The following PCDHGA5 variants were observed in gnomAD, a reference collection of about 807,000 sequenced individuals.
PCDHGA5 encodes protocadherin gamma-A5.
PCDHGA5 carries 36 observed loss-of-function variants against 56.7 expected under a neutral mutation model. The observed-to-expected ratio is 0.64, with a 90% CI of 0.49 to 0.84. The LOEUF (loss-of-function observed/expected upper bound fraction) is 0.84, where lower values mean the gene tolerates loss of function less well. PCDHGA5 is among the 40% of genes least tolerant of loss of function. PCDHGA5 has a pLI of 0.00. For synonymous variants in PCDHGA5, 563 were observed against 520.2 expected (o/e 1.08, Z -1.12); for missense variants, 1,305 against 1,201.5 (o/e 1.09, Z -1.27).
At position 141,494,833 on chromosome 5, in the gene PCDHGA5, T is replaced by C. The variant is rs537340090; in HGVS notation, c.2448T>C (p.Arg816=). 1 of 1,614,094 alleles carries C rather than the reference T, an allele frequency of 6.2e-7. No homozygotes were observed. The highest frequency in any genetic ancestry group is 1.7e-5 in the Admixed American group (1 of 60,014). Residue 816 remains arginine, a synonymous_variant, in exon 2 of 4, where the codon CGT becomes CGC. Coordinates refer to ENST00000518069, the MANE Select transcript of PCDHGA5 (RefSeq NM_018918.3). ...VQQAPPNTDW[R]FSQAQRPGTS... Reference sequence around the variant, plus strand: ...AAGCCCCGCCCAACACGGACTGGCGTTTCTCTCAGGCCCAGAGACCCGGCA... The same window carrying C: ...AAGCCCCGCCCAACACGGACTGGCGCTTCTCTCAGGCCCAGAGACCCGGCA...
chr5:141,505,089 G>A (rs1562219081), intron 2 of PCDHGA5, among the ~76,000 whole-genome samples: 1 of 152,208 alleles, frequency 6.6e-6, no homozygotes, highest in Non-Finnish European at 1.5e-5. Context: ...TTGAACCCAG[G>A]AGGTGGATGT....
rs371490086 is a variant in PCDHGA5, at chr5:141,405,329, G to T, written c.2421+38578G>T. 3 of 1,614,168 alleles carry T rather than the reference G, an allele frequency of 1.9e-6. No individual in the cohort carries two copies. Among genetic ancestry groups the T allele is most frequent in the Non-Finnish European group, 2.5e-6 (3 of 1,180,010 alleles). On this transcript the variant is annotated intron_variant, in intron 1 of 3. Coordinates refer to ENST00000518069, the MANE Select transcript of PCDHGA5 (RefSeq NM_018918.3). The stretch of plus-strand genomic sequence containing the variant: ...CTGTGAGAAAAATGAGCCTTTGTGC[G>T]TCTCTGTTGATTCCAAGTTTCCTAT...
At chr5:141,503,325 G>A (rs1002520312) in intron 2 of PCDHGA5, among the ~76,000 whole-genome samples, 10 of 152,104 alleles carry the variant, frequency 6.6e-5, no homozygotes, top group East Asian at 1.9e-4. Flanking sequence ...GGAGGGGCGC[G>A]GTGGCTCACG....
chr5:141,441,162 G>A (rs1009205566), intron 1 of PCDHGA5: 48 of 152,166 alleles, frequency 3.2e-4, no homozygotes, highest in Admixed American at 1.5e-3. Flanking sequence ...TCCTAGAGGC[G>A]ATTTTTACTT....
intron 1 of PCDHGA5, chr5:141,408,920 C>T (rs772932702): frequency 1.9e-6 from 3 of 1,613,506 alleles, no homozygotes; most frequent in Admixed American, 1.7e-5. Context: ...TGATAACCCC[C>T]CGGTTTTCAG....
intron 1 of PCDHGA5, among the ~76,000 whole-genome samples, chr5:141,462,783 T>C (rs1313584666): frequency 6.6e-6 from 1 of 152,236 alleles, no homozygotes; most frequent in Non-Finnish European, 1.5e-5. Flanking sequence ...CATAATTTGT[T>C]GCTTATTTGC....
chr5:141,501,132 G>T (rs371444727), intron 2 of PCDHGA5, among the ~76,000 whole-genome samples: 2 of 152,262 alleles, frequency 1.3e-5, no homozygotes, highest in East Asian at 3.9e-4. Flanking sequence ...CTCCCTAAGT[G>T]CTGGGATTAC....
At chr5:141,453,909 T>C (rs1484310834) in intron 1 of PCDHGA5, among the ~76,000 whole-genome samples, 1 of 152,236 alleles carries the variant, frequency 6.6e-6, no homozygotes, top group Non-Finnish European at 1.5e-5. Flanking sequence ...TTTCAAAGTA[T>C]GTCAGTGATC....
Position 141,383,518 on chromosome 5 carries a change from G to A in PCDHGA5, c.2421+16767G>A, listed in dbSNP as rs1286743255. The A allele has an allele frequency of 2.5e-6, 4 of 1,612,554 alleles. 1 individual carries two copies. The highest frequency in any genetic ancestry group is 2.2e-5 in the South Asian group (2 of 90,928). On this transcript the variant is annotated intron_variant, in intron 1 of 3. Coordinates refer to ENST00000518069, the MANE Select transcript of PCDHGA5 (RefSeq NM_018918.3). The stretch of plus-strand genomic sequence containing the variant: ...GGTGCTGGACCGGGAGGAAGAGCGG[G>A]TTCACCACCTGGTCCTCACAGCCTC...
rs1561858566 is a variant in PCDHGA5 at position 141,432,177 on chromosome 5, C to G, written c.2422-62630C>G. ...AATCCCAGAGGAGTTTCCCTCGTCTCTGTGACCGCCCACGACCCCGACTGT... is the reference window on the plus strand; with the variant it reads ...AATCCCAGAGGAGTTTCCCTCGTCTGTGTGACCGCCCACGACCCCGACTGT... On this transcript the variant is annotated intron_variant, in intron 1 of 3. Transcript: ENST00000518069. This position sits in a 1 kb window ranked among gnomAD's most constrained non-coding sequence, Gnocchi z 6.0. The G allele has an allele frequency of 6.2e-7, 1 of 1,614,220 alleles. No homozygotes were observed. Among genetic ancestry groups the G allele is most frequent in the Admixed American group, 1.7e-5 (1 of 60,032 alleles).
At chr5:141,419,728 A>T (rs2096421858) in intron 1 of PCDHGA5, 1 of 1,613,466 alleles carries the variant, frequency 6.2e-7, no homozygotes. Flanking sequence ...GGCTGCGAAC[A>T]GGCGAGGTGC....
Position 141,436,345 on chromosome 5 carries a change from G to A in PCDHGA5, c.2422-58462G>A, listed in dbSNP as rs930858667. 5.9e-4 allele frequency among the ~76,000 whole-genome samples: 90 copies of A among 152,212 alleles called. 1 individual carries two copies. Among genetic ancestry groups the A allele is most frequent in the African/African-American group, 1.7e-3 (69 of 41,540 alleles). ...GTTAGACCATATCTCAAATATCAGT[G>A]ACTTCAATCAACTATGTTTCCAGTT... On this transcript the variant is annotated intron_variant, in intron 1 of 3. Coordinates refer to ENST00000518069, the MANE Select transcript of PCDHGA5 (RefSeq NM_018918.3).
intron 1 of PCDHGA5, chr5:141,399,279 C>G (rs370090713): frequency 1.2e-6 from 2 of 1,613,694 alleles, no homozygotes; most frequent in Non-Finnish European, 1.7e-6. Flanking sequence ...AATTACAAGG[C>G]GAAGTCCCTT....
At chr5:141,398,362 G>T (rs1422597239) in intron 1 of PCDHGA5, 5 of 1,413,346 alleles carry the variant, frequency 3.5e-6, no homozygotes, top group Admixed American at 1.9e-5. Context: ...CACCGTGAGC[G>T]CAGAGAGCGG....
At position 141,431,965 on chromosome 5, in the gene PCDHGA5, T is replaced by G. The variant is rs765281339; in HGVS notation, c.2422-62842T>G. ...TAGAAAAATCTTACGGAAATTACTATAGTTTAGTCACAGACATAGTCTTGG... is the reference window on the plus strand; with the variant it reads ...TAGAAAAATCTTACGGAAATTACTAGAGTTTAGTCACAGACATAGTCTTGG... On this transcript the variant is annotated intron_variant, in intron 1 of 3. Coordinates refer to ENST00000518069, the MANE Select transcript of PCDHGA5 (RefSeq NM_018918.3). This position sits in a 1 kb window ranked among gnomAD's most constrained non-coding sequence, Gnocchi z 4.8. The G allele has an allele frequency of 1.2e-6, 2 of 1,614,216 alleles. No individual in the cohort carries two copies. Among genetic ancestry groups the G allele is most frequent in the East Asian group, 4.5e-5 (2 of 44,892 alleles).
At chr5:141,501,540 A>G (rs151047391) in intron 2 of PCDHGA5, among the ~76,000 whole-genome samples, 2 of 152,138 alleles carry the variant, frequency 1.3e-5, no homozygotes, top group East Asian at 3.9e-4. Flanking sequence ...GTTGTTGTGC[A>G]TAAGATCATA....
intron 1 of PCDHGA5, among the ~76,000 whole-genome samples, chr5:141,438,039 C>T (rs1373700448): frequency 6.6e-6 from 1 of 152,024 alleles, no homozygotes; most frequent in Non-Finnish European, 1.5e-5. Flanking sequence ...CCATGCCCGA[C>T]CACTTTGAGT....
chr5:141,470,538 A>G (rs2099232733), intron 1 of PCDHGA5, among the ~76,000 whole-genome samples: 1 of 152,140 alleles, frequency 6.6e-6, no homozygotes, highest in African/African-American at 2.4e-5. Context: ...GTATCAGGTA[A>G]TATTTATTGA....
intron 2 of PCDHGA5, among the ~76,000 whole-genome samples, chr5:141,504,402 G>A (rs2099837969): frequency 6.6e-6 from 1 of 152,170 alleles, no homozygotes; most frequent in Admixed American, 6.6e-5. Context: ...AGCCAGTGTG[G>A]TGGAGGAACA....
Sources: allele counts gnomAD v4.1 joint callset (sites outside exome capture counted in the v4.1 genomes callset), GRCh38; gene constraint gnomAD v4.1.1; non-coding constraint Gnocchi (gnomAD v3.1); transcripts MANE v1.5; gene names NCBI Gene and HGNC (gene_info 2026-07-23, HGNC 2026-07-21).